Variants in EYS observed in about 807,000 individuals in gnomAD.
EYS encodes protein eyes shut homolog.
Under a neutral mutation model 282.1 loss-of-function variants are expected in EYS, and 250 were observed. The ratio of observed to expected loss-of-function variants is 0.89; its 90% CI spans 0.80 to 0.98. The LOEUF is 0.98. Ranked by LOEUF, EYS falls within the 50% of genes least tolerant of loss-of-function variation. EYS has a pLI of 0.00. For missense variants in EYS, 4,016 were observed against 3,709.0 expected, an observed-to-expected ratio of 1.08 and a Z score of -2.15; for synonymous variants, 1,355 against 1,282.9, an observed-to-expected ratio of 1.06 and a Z score of -1.20.
At chr6:64,978,706 G>T (rs1017456417) in intron 14 of EYS, among the ~76,000 whole-genome samples, 13 of 151,896 alleles carry the variant, frequency 8.6e-5, no homozygotes, top group Non-Finnish European at 2.9e-5. Context: ...AGGATTTATG[G>T]ACAGAGGTCA....
chr6:64,903,255 TAAGAAACAAG>T (rs1767722136), intron 16 of EYS, among the ~76,000 whole-genome samples: 1 of 152,170 alleles, frequency 6.6e-6, no homozygotes, highest in Non-Finnish European at 1.5e-5. Context: ...TTCAAACATG[TAAGAAACAAG>T]ATTTCCCTTT....
chr6:64,336,049 G>A (rs1470727239), intron 29 of EYS, among the ~76,000 whole-genome samples: 3 of 151,828 alleles, frequency 2.0e-5, no homozygotes, highest in Non-Finnish European at 2.9e-5. Flanking sequence ...CACACATGAC[G>A]TATAAAATGA....
At chr6:64,095,514 T>C (rs1027160792) in intron 31 of EYS, among the ~76,000 whole-genome samples, 3 of 152,128 alleles carry the variant, frequency 2.0e-5, no homozygotes, top group Admixed American at 6.5e-5. Context: ...TGTAATGGCC[T>C]TCTTTGTCTC....
intron 5 of EYS, among the ~76,000 whole-genome samples, chr6:65,415,282 T>C (rs1371254117): frequency 2.0e-5 from 3 of 152,054 alleles, no homozygotes; most frequent in African/African-American, 7.2e-5. Flanking sequence ...AGATTTCACC[T>C]GGTATCTCAT....
chr6:63,792,348 T>C, intron 37 of EYS, among the ~76,000 whole-genome samples: 1 of 151,926 alleles, frequency 6.6e-6, no homozygotes. Context: ...TGGTAGTAAA[T>C]GATGGAGTAG....
chr6:65,196,400 T>C (rs1306572855), intron 12 of EYS, among the ~76,000 whole-genome samples: 1 of 152,126 alleles, frequency 6.6e-6, no homozygotes, highest in Admixed American at 6.6e-5. Context: ...TTCTTACACA[T>C]GCAATTGAAT....
chr6:64,375,832 A>G lies in EYS; in HGVS notation c.6078+12858T>C, dbSNP rs77422640. Among the ~76,000 whole-genome samples, 1,245 of 152,326 alleles carry G rather than the reference A, an allele frequency of 8.2e-3. 19 individuals are homozygous for G. Among genetic ancestry groups the G allele is most frequent in the East Asian group, 0.049 (255 of 5,190 alleles). On this transcript the variant is annotated intron_variant, in intron 29 of 42. Coordinates refer to ENST00000503581, the MANE Select transcript of EYS (RefSeq NM_001142800.2). Reference sequence around the variant, plus strand: ...AAGTTTAAAAAATGATACATTCTGTATAAGGCTCTATAATACACAATCTCA... The same window carrying G: ...AAGTTTAAAAAATGATACATTCTGTGTAAGGCTCTATAATACACAATCTCA...
At chr6:65,051,531 C>CGTGAGGTAA (rs1354027701) in intron 13 of EYS, among the ~76,000 whole-genome samples, 5 of 151,492 alleles carry the variant, frequency 3.3e-5, no homozygotes, top group Non-Finnish European at 7.4e-5. Context: ...CATGTATTAC[C>CGTGAGGTAA]TCACACACAT....
intron 37 of EYS, among the ~76,000 whole-genome samples, chr6:63,805,759 T>G (rs1476359288): frequency 6.6e-6 from 1 of 152,126 alleles, no homozygotes; most frequent in Non-Finnish European, 1.5e-5. Context: ...TCTCAGGAGA[T>G]CTGATGGTTT....
At position 63,967,597 on chromosome 6, in the gene EYS, A is replaced by G. The variant is rs1766369310; in HGVS notation, c.7055+16786T>C. On this transcript the variant is annotated intron_variant, in intron 35 of 42. Coordinates refer to ENST00000503581, the MANE Select transcript of EYS (RefSeq NM_001142800.2). The stretch of plus-strand genomic sequence containing the variant: ...CACAAGTGACGATAAGCAAGTTTGG[A>G]AAAATTTTTGGAGTTTTGATCAATT... 2.6e-5 allele frequency among the ~76,000 whole-genome samples: 4 copies of G among 152,176 alleles called. No individual in the cohort carries two copies. The South Asian group carries it at 8.3e-4, about 32-fold the overall frequency.
At chr6:64,302,005 C>T (rs1484136585) in intron 30 of EYS, among the ~76,000 whole-genome samples, 9 of 152,194 alleles carry the variant, frequency 5.9e-5, no homozygotes, top group South Asian at 2.1e-4. Flanking sequence ...CTTGAGACAG[C>T]GCTAATTAAG....
intron 29 of EYS, among the ~76,000 whole-genome samples, chr6:64,360,591 G>A (rs1309002947): frequency 6.6e-6 from 1 of 151,676 alleles, no homozygotes; most frequent in Middle Eastern, 3.4e-3. Flanking sequence ...TAAAATTTTT[G>A]GAAATTCAAT....
intron 12 of EYS, among the ~76,000 whole-genome samples, chr6:65,101,626 G>A (rs548843232): frequency 9.9e-4 from 150 of 151,348 alleles, no homozygotes; most frequent in African/African-American, 3.4e-3. Flanking sequence ...CTTGGTTTGT[G>A]AGTTGATGAG....
chr6:64,004,848 T>C (rs1768268436), intron 33 of EYS, among the ~76,000 whole-genome samples: 1 of 152,204 alleles, frequency 6.6e-6, no homozygotes, highest in Admixed American at 6.5e-5. Context: ...CCACATTTTC[T>C]TTATCCAGTC....
At chr6:64,679,516 C>A (rs905171185) in intron 22 of EYS, among the ~76,000 whole-genome samples, 1 of 152,026 alleles carries the variant, frequency 6.6e-6, no homozygotes, top group Non-Finnish European at 1.5e-5. Context: ...TACATTGATT[C>A]TATCTGTAGA....
At chr6:64,820,091 G>A (rs1583191475) in intron 21 of EYS, among the ~76,000 whole-genome samples, 1 of 151,890 alleles carries the variant, frequency 6.6e-6, no homozygotes, top group South Asian at 2.1e-4. Context: ...ACTCTCATCA[G>A]GTAAGTGTGG....
chr6:64,965,376 C>G (rs1165085875), intron 14 of EYS, among the ~76,000 whole-genome samples: 2 of 151,264 alleles, frequency 1.3e-5, no homozygotes, highest in African/African-American at 2.4e-5. Context: ...GCCTTTTTGT[C>G]CAATATATTA....
chr6:65,061,012 A>G (rs996444021), intron 12 of EYS, among the ~76,000 whole-genome samples: 2 of 151,844 alleles, frequency 1.3e-5, no homozygotes, highest in African/African-American at 4.8e-5. Flanking sequence ...CCTGTTTAGG[A>G]CAAATCATTA....
rs534764537 is a variant in EYS, at chr6:64,974,302, T to C, written c.2259+23280A>G. Among the ~76,000 whole-genome samples the C allele has an allele frequency of 2.0e-5, 3 of 151,936 alleles. No homozygotes were observed. In the East Asian group the frequency reaches 5.8e-4, roughly 30 times the overall value. ...ACTATTGGGTTAACTTACAATAAAA[T>C]AAGGGAAAATAAAAGCCTTCTCATG... On this transcript the variant is annotated intron_variant, in intron 14 of 42. Coordinates refer to ENST00000503581, the MANE Select transcript of EYS (RefSeq NM_001142800.2).
Sources: allele counts gnomAD v4.1 joint callset (sites outside exome capture counted in the v4.1 genomes callset), GRCh38; gene constraint gnomAD v4.1.1; transcripts MANE v1.5; gene names NCBI Gene and HGNC (gene_info 2026-07-23, HGNC 2026-07-21).